The following TOPBP1 variants were observed in gnomAD, a reference collection of about 807,000 sequenced individuals.
TOPBP1 encodes the protein DNA topoisomerase 2-binding protein 1.
In TOPBP1, 28 loss-of-function variants were observed where a neutral mutation model predicts 167.7. The observed-to-expected ratio is 0.17, with a 90% CI of 0.12 to 0.23. The LOEUF (loss-of-function observed/expected upper bound fraction) is 0.23. TOPBP1 is among the 10% of genes least tolerant of loss of function. TOPBP1 has a pLI of 1.00. For missense variants in TOPBP1, 1,554 were observed against 1,809.6 expected, an observed-to-expected ratio of 0.86 and a Z score of 2.56; for synonymous variants, 598 against 611.4, an observed-to-expected ratio of 0.98 and a Z score of 0.32.
At chr3:133,626,738 A>G (rs956094843) in intron 16 of TOPBP1, among the ~76,000 whole-genome samples, 2 of 152,234 alleles carry the variant, frequency 1.3e-5, no homozygotes, top group Admixed American at 6.5e-5. Flanking sequence ...GGCATTATAC[A>G]TAACTGAACA....
At chr3:133,604,993 G>A (rs965823148) in intron 27 of TOPBP1, among the ~76,000 whole-genome samples, 1 of 151,746 alleles carries the variant, frequency 6.6e-6, no homozygotes, top group African/African-American at 2.4e-5. Context: ...TTGGGAAGCC[G>A]TGGGGATCAC....
In TOPBP1 at chr3:133,617,152, C is replaced by A. The variant is rs768601075; in HGVS notation, c.3759+8G>T. On this transcript the variant is annotated splice_region_variant and intron_variant, in intron 22 of 27. Transcript: ENST00000260810. Reference sequence around the variant, plus strand: ...AAAGCTGTATCACCATATTAAGGATCAACAAACCTTTTCTCTAGGGTGCGG... The same window carrying A: ...AAAGCTGTATCACCATATTAAGGATAAACAAACCTTTTCTCTAGGGTGCGG... 49 of 1,598,908 alleles carry A rather than the reference C, an allele frequency of 3.1e-5. No individual in the cohort carries two copies. The highest frequency in any genetic ancestry group is 4.1e-5 in the Non-Finnish European group (48 of 1,175,040).
intron 10 of TOPBP1, among the ~76,000 whole-genome samples, chr3:133,647,820 T>A (rs960597292): frequency 1.3e-5 from 2 of 151,906 alleles, no homozygotes; most frequent in Non-Finnish European, 2.9e-5. Flanking sequence ...TGGAAAAAAA[T>A]CTGAAGGAAT....
chr3:133,624,193 A>G lies in TOPBP1; in HGVS notation c.2805-18T>C. 6.2e-7 allele frequency: 1 copy of G among 1,609,758 alleles called. No homozygotes were observed. Among genetic ancestry groups the G allele is most frequent in the Middle Eastern group, 1.7e-4 (1 of 6,044 alleles). ...AACTCCACCTGAAATAACCAATACA[A>G]AAAAACAAATAACCAAGAGAAACAT... On this transcript the variant is annotated intron_variant, in intron 16 of 27. Coordinates refer to ENST00000260810, the MANE Select transcript of TOPBP1 (RefSeq NM_007027.4).
intron 27 of TOPBP1, 43 bp from the exon 28 acceptor site, chr3:133,601,436 C>A: frequency 7.3e-7 from 1 of 1,362,884 alleles, no homozygotes; most frequent in Non-Finnish European, 9.8e-7. Flanking sequence ...TGATTTCAAA[C>A]ATTTACGTGA....
At chr3:133,641,675 G>A (rs1420146582) in intron 12 of TOPBP1, among the ~76,000 whole-genome samples, 1 of 152,152 alleles carries the variant, frequency 6.6e-6, no homozygotes, top group African/African-American at 2.4e-5. Flanking sequence ...TTTAATAACT[G>A]TTAGGGCTAG....
intron 14 of TOPBP1, among the ~76,000 whole-genome samples, chr3:133,634,192 T>C (rs1301745211): frequency 6.6e-6 from 1 of 152,190 alleles, no homozygotes; most frequent in African/African-American, 2.4e-5. Context: ...CTAGACATCC[T>C]CGTGAAACTA....
intron 21 of TOPBP1, chr3:133,617,599 A>T (rs1934942697): frequency 3.8e-6 from 1 of 261,436 alleles, no homozygotes; most frequent in Admixed American, 5.0e-5. Flanking sequence ...ATTTTCCTTA[A>T]ATACCAAGTT....
intron 10 of TOPBP1, among the ~76,000 whole-genome samples, chr3:133,645,309 T>C (rs1254206505): frequency 6.6e-6 from 1 of 152,224 alleles, no homozygotes; most frequent in Non-Finnish European, 1.5e-5. Flanking sequence ...CTAGGGAGTT[T>C]ACTGGTCAGT....
intron 2 of TOPBP1, among the ~76,000 whole-genome samples, chr3:133,659,605 GC>G (rs1401865251): frequency 3.3e-5 from 5 of 152,216 alleles, no homozygotes. Context: ...TGATCTTGCA[GC>G]ACAGAATACT....
chr3:133,652,748 AG>A (rs1164592212), intron 7 of TOPBP1, 119 bp from the exon 8 acceptor site: 1 of 794,296 alleles, frequency 1.3e-6, no homozygotes, highest in East Asian at 2.7e-5. Flanking sequence ...AGTAAGATTC[AG>A]GGGTGTTTAC....
intron 5 of TOPBP1, among the ~76,000 whole-genome samples, chr3:133,656,360 A>G (rs1317141936): frequency 6.6e-6 from 1 of 152,172 alleles, no homozygotes; most frequent in Non-Finnish European, 1.5e-5. Context: ...GTGTTGAAGG[A>G]TAATGCAACA....
At chr3:133,630,052 C>G (rs1935416423) in intron 14 of TOPBP1, among the ~76,000 whole-genome samples, 2 of 152,146 alleles carry the variant, frequency 1.3e-5, no homozygotes. Flanking sequence ...TCCCAAAGTG[C>G]TGGGATAACA....
chr3:133,601,277 AT>A lies in TOPBP1; in HGVS notation c.4541del (p.Asn1514IlefsTer20). On this transcript the variant is annotated frameshift_variant, in exon 28 of 28. Transcript: ENST00000260810. LOFTEE classifies it high-confidence loss of function. ...AGTGTACTCTAGGTCGTTTGATTTT[AT>A]TTTTTTCTGTAGGAGCTTTCCTCTT... ...SQKRKAPTEKNKIKRPRVH is the reference protein window; with the variant it reads ...SQKRKAPTEKXKIKRPRVH The A allele has an allele frequency of 6.2e-7, 1 of 1,605,522 alleles. No homozygotes were observed. The highest frequency in any genetic ancestry group is 8.5e-7 in the Non-Finnish European group (1 of 1,177,622).
chr3:133,652,342 C>T, intron 8 of TOPBP1, 121 bp downstream of exon 8: 1 of 1,020,966 alleles, frequency 9.8e-7, no homozygotes, highest in Non-Finnish European at 1.4e-6. Context: ...ATCTACTTAG[C>T]TAGAGTGGAG....
chr3:133,611,940 G>A (rs1055096211), intron 24 of TOPBP1, among the ~76,000 whole-genome samples: 19 of 152,006 alleles, frequency 1.2e-4, no homozygotes, highest in Non-Finnish European at 2.9e-5. Flanking sequence ...GTCTTGCTAT[G>A]TTTCCCAGGC....
chr3:133,654,050 T>G (rs1317575965), intron 6 of TOPBP1, among the ~76,000 whole-genome samples: 1 of 152,248 alleles, frequency 6.6e-6, no homozygotes, highest in East Asian at 1.9e-4. Flanking sequence ...AATTATATTT[T>G]CTATGTGTAG....
intron 27 of TOPBP1, among the ~76,000 whole-genome samples, chr3:133,601,815 C>T (rs1397296223): frequency 6.6e-6 from 1 of 152,124 alleles, no homozygotes; most frequent in African/African-American, 2.4e-5. Context: ...TGGATCTTTT[C>T]CTCCTTATTA....
rs1249964710 is a variant in TOPBP1, at chr3:133,644,348, G to A, written c.1520C>T (p.Ser507Phe). 1 of 1,580,864 alleles carries A rather than the reference G, an allele frequency of 6.3e-7. No individual in the cohort carries two copies. Among genetic ancestry groups the A allele is most frequent in the African/African-American group, 1.4e-5 (1 of 73,120 alleles). ...AGAATCATTAAAGGGCCTGGCTTCAGACGTCTTAGCCTCAACTGAAAGAGA... is the reference window on the plus strand; with the variant it reads ...AGAATCATTAAAGGGCCTGGCTTCAAACGTCTTAGCCTCAACTGAAAGAGA... ...GSSTVVEAKT[S>F]EARPFNDSTH... is the part of the protein sequence containing the mutation. Residue 507 changes from serine to phenylalanine, a missense_variant, in exon 11 of 28, where the codon TCT (serine) becomes TTT (phenylalanine). Coordinates refer to ENST00000260810, the MANE Select transcript of TOPBP1 (RefSeq NM_007027.4).
Sources: gnomAD v4.1 joint callset for allele counts (sites outside exome capture counted in the v4.1 genomes callset) on GRCh38, gnomAD v4.1.1 for gene constraint, MANE v1.5 for transcripts, NCBI Gene and HGNC (gene_info 2026-07-23, HGNC 2026-07-21) for gene names.